NINL: variants seen among roughly 807,000 people sequenced by gnomAD.
The protein encoded by NINL is ninein-like protein.
Under a neutral mutation model 160.3 loss-of-function variants are expected in NINL, and 153 were observed. The observed-to-expected ratio is 0.95, with a 90% CI of 0.84 to 1.09. The LOEUF (loss-of-function observed/expected upper bound fraction) is 1.09, where lower values mean the gene tolerates loss of function less well. Ranked by LOEUF, NINL falls within the 50% of genes least tolerant of loss-of-function variation. NINL has a pLI of 0.00. For missense variants in NINL, 1,829 were observed against 1,764.0 expected, an observed-to-expected ratio of 1.04 and a Z score of -0.66; for synonymous variants, 800 against 734.8, an observed-to-expected ratio of 1.09 and a Z score of -1.43.
intron 9 of NINL, 50 bp downstream of exon 9, chr20:25,498,160 C>A: frequency 6.2e-7 from 1 of 1,604,416 alleles, no homozygotes. Context: ...CCTCCAGGCC[C>A]ACCTGGCCAG....
intron 1 of NINL, among the ~76,000 whole-genome samples, chr20:25,570,532 A>G (rs1174208014): frequency 6.6e-6 from 1 of 152,044 alleles, no homozygotes; most frequent in Admixed American, 6.6e-5. Context: ...AGAAGCCGCT[A>G]TGCTTCCTAT....
chr20:25,540,470 G>A (rs1478340372), intron 1 of NINL, among the ~76,000 whole-genome samples: 4 of 152,090 alleles, frequency 2.6e-5, no homozygotes, highest in Non-Finnish European at 5.9e-5. Context: ...GCACAGTGAC[G>A]AGGGAATTTA....
intron 1 of NINL, among the ~76,000 whole-genome samples, chr20:25,569,891 G>C (rs2065035404): frequency 6.6e-6 from 1 of 152,094 alleles, no homozygotes; most frequent in Admixed American, 6.5e-5. Context: ...CTCTGTCAAA[G>C]CTAGGTACTG....
chr20:25,503,200 C>G (rs984434423), intron 7 of NINL, among the ~76,000 whole-genome samples: 1 of 150,836 alleles, frequency 6.6e-6, no homozygotes, highest in Non-Finnish European at 1.5e-5. Flanking sequence ...CTCCTGTAAC[C>G]CCAGCAGGTG....
intron 7 of NINL, among the ~76,000 whole-genome samples, chr20:25,503,193 C>G (rs565199423): frequency 6.6e-6 from 1 of 151,564 alleles, no homozygotes; most frequent in East Asian, 1.9e-4. Flanking sequence ...GCACTGCCTC[C>G]TGTAACCCCA....
chr20:25,584,486 A>G (rs2065206480), intron 1 of NINL, among the ~76,000 whole-genome samples: 1 of 152,232 alleles, frequency 6.6e-6, no homozygotes, highest in Non-Finnish European at 1.5e-5. Flanking sequence ...AACAAGAACA[A>G]CAACAAGAAG....
chr20:25,523,195 G>A (rs1239253131), intron 2 of NINL, among the ~76,000 whole-genome samples: 1 of 152,062 alleles, frequency 6.6e-6, no homozygotes, highest in Non-Finnish European at 1.5e-5. Flanking sequence ...CAATAGAGAT[G>A]TGACCATCCT....
chr20:25,464,972 G>A (rs57956383), intron 19 of NINL, among the ~76,000 whole-genome samples: 3,171 of 152,270 alleles, frequency 0.021, 101 homozygotes, highest in African/African-American at 0.072. Flanking sequence ...TGGCGTTCAC[G>A]CTGGCCACCT....
chr20:25,521,099 C>A (rs2064255199), intron 2 of NINL, among the ~76,000 whole-genome samples: 1 of 152,198 alleles, frequency 6.6e-6, no homozygotes. Context: ...TCCCAGGACT[C>A]CAGTTAAAGG....
chr20:25,515,006 G>T (rs1206259813), intron 3 of NINL, among the ~76,000 whole-genome samples: 2 of 152,194 alleles, frequency 1.3e-5, no homozygotes, highest in African/African-American at 2.4e-5. Context: ...GGAAATATGG[G>T]GTTGGGGCCC....
At chr20:25,502,525 GAT>G (rs1229851598) in intron 7 of NINL, among the ~76,000 whole-genome samples, 1 of 152,148 alleles carries the variant, frequency 6.6e-6, no homozygotes, top group Admixed American at 6.5e-5. Context: ...AGACTCGATG[GAT>G]CCTTTGGCAA....
At chr20:25,572,703 AG>A (rs1223761462) in intron 1 of NINL, among the ~76,000 whole-genome samples, 1 of 152,232 alleles carries the variant, frequency 6.6e-6, no homozygotes, top group Non-Finnish European at 1.5e-5. Flanking sequence ...TAGTTTTGAT[AG>A]TTTTCTAAAA....
In NINL at chr20:25,498,194, C is replaced by A. The variant is rs1200734999; in HGVS notation, c.1169+16G>T. The A allele has an allele frequency of 6.2e-7, 1 of 1,611,614 alleles. No homozygotes were observed. Among genetic ancestry groups the A allele is most frequent in the African/African-American group, 1.3e-5 (1 of 74,880 alleles). On this transcript the variant is annotated intron_variant, in intron 9 of 23. Transcript: ENST00000278886. ...AGCCACACTGCCACGTTCCCCAGTC[C>A]CCTGTGGCCTCTTACTGCTGGTAGC... is the stretch of plus-strand genomic sequence containing the variant.
In NINL at chr20:25,488,590, T is replaced by C. The variant is rs1291909313; in HGVS notation, c.1677+654A>G. ...TGCTCTGTGTCATGTGATATCATGATGGACTGACGCAGCAGCAGGTTTGAG... is the reference window on the plus strand; with the variant it reads ...TGCTCTGTGTCATGTGATATCATGACGGACTGACGCAGCAGCAGGTTTGAG... On this transcript the variant is annotated intron_variant, in intron 13 of 23. Transcript: ENST00000278886. Among the ~76,000 whole-genome samples, 8 of 152,082 alleles carry C rather than the reference T, an allele frequency of 5.3e-5. No individual in the cohort carries two copies. The South Asian group carries it at 1.7e-3, about 32-fold the overall frequency.
intron 1 of NINL, among the ~76,000 whole-genome samples, chr20:25,564,999 T>C (rs750980732): frequency 2.0e-5 from 3 of 152,108 alleles, no homozygotes; most frequent in Non-Finnish European, 4.4e-5. Context: ...AAGCTGATTA[T>C]AGACAAGTAT....
intron 1 of NINL, among the ~76,000 whole-genome samples, chr20:25,536,077 T>C (rs1379788501): frequency 6.6e-6 from 1 of 152,186 alleles, no homozygotes; most frequent in Admixed American, 6.5e-5. Context: ...AATGGCACCA[T>C]GCCCACAGCA....
intron 1 of NINL, among the ~76,000 whole-genome samples, chr20:25,575,443 T>A (rs1246015468): frequency 1.9e-5 from 2 of 105,704 alleles, no homozygotes; most frequent in Non-Finnish European, 3.8e-5. Context: ...CGAGACTCCG[T>A]CTCAAAAAAA....
Position 25,482,073 on chromosome 20 carries a change from G to A in NINL, c.1705C>T (p.Gln569Ter), listed in dbSNP as rs2063401517. The A allele has an allele frequency of 5.0e-6, 8 of 1,598,260 alleles. No homozygotes were observed. Among genetic ancestry groups the A allele is most frequent in the Non-Finnish European group, 6.8e-6 (8 of 1,179,658 alleles). Residue 569 changes from glutamine (Q) to a stop codon, truncating the protein, a stop_gained, in exon 14 of 24, where the codon CAA (glutamine) becomes TAA (stop). Coordinates refer to ENST00000278886, the MANE Select transcript of NINL (RefSeq NM_025176.6). LOFTEE classifies it high-confidence loss of function. Reference protein sequence around the residue: ...RDLQDRNDELQAELEGLWARL... With the variant: ...RDLQDRNDEL ...GCCCACAGGCCTTCCAGCTCAGCTTGCAGCTCATCGTTGCGGTCCTGCAGG... is the reference window on the plus strand; with the variant it reads ...GCCCACAGGCCTTCCAGCTCAGCTTACAGCTCATCGTTGCGGTCCTGCAGG...
At chr20:25,518,129 C>T (rs913475816) in intron 2 of NINL, among the ~76,000 whole-genome samples, 5 of 152,298 alleles carry the variant, frequency 3.3e-5, no homozygotes, top group African/African-American at 9.6e-5. Flanking sequence ...GACCACGAAA[C>T]GTTACACATA....
Sources: gnomAD v4.1 joint callset for allele counts (sites outside exome capture counted in the v4.1 genomes callset) on GRCh38, gnomAD v4.1.1 for gene constraint, MANE v1.5 for transcripts, NCBI Gene and HGNC (gene_info 2026-07-23, HGNC 2026-07-21) for gene names.